The following MEIS2 variants were observed in gnomAD, a reference collection of about 807,000 sequenced individuals.
MEIS2 encodes Meis homeobox 2.
Under a neutral mutation model 58.6 loss-of-function variants are expected in MEIS2, and 9 were observed. The observed-to-expected ratio is 0.15, with a 90% CI of 0.09 to 0.27. MEIS2 has a LOEUF of 0.27. Ranked by LOEUF, MEIS2 falls within the 10% of genes least tolerant of loss-of-function variation. The pLI, the probability that MEIS2 is intolerant of heterozygous loss-of-function variation, is 1.00. For missense variants in MEIS2, 427 were observed against 635.0 expected (o/e 0.67, Z 3.52); for synonymous variants, 221 against 228.4 (o/e 0.97, Z 0.29).
chr15:36,906,665 A>G (rs1567034454), intron 9 of MEIS2, among the ~76,000 whole-genome samples: 1 of 151,714 alleles, frequency 6.6e-6, no homozygotes, highest in East Asian at 1.9e-4. Context: ...AAAAAAAAAA[A>G]AAAAAACAAG....
At chr15:37,000,153 G>C (rs1595898620) in intron 8 of MEIS2, among the ~76,000 whole-genome samples, 1 of 152,088 alleles carries the variant, frequency 6.6e-6, no homozygotes, top group African/African-American at 2.4e-5. Context: ...ATTTCTTTAG[G>C]CCTCAGTGTC....
At chr15:37,098,976 G>T in intron 1 of MEIS2, 1 of 985,004 alleles carries the variant, frequency 1.0e-6, no homozygotes, top group Non-Finnish European at 1.2e-6. Flanking sequence ...CAGGCTAGTA[G>T]TCTAGGCGGC....
chr15:36,955,664 C>A (rs573796908), intron 8 of MEIS2, among the ~76,000 whole-genome samples: 1 of 152,226 alleles, frequency 6.6e-6, no homozygotes, highest in South Asian at 2.1e-4. Context: ...ATATACACAA[C>A]CCTCTCAAGT....
intron 8 of MEIS2, among the ~76,000 whole-genome samples, chr15:37,021,488 C>T (rs769970549): frequency 6.6e-6 from 1 of 152,194 alleles, no homozygotes; most frequent in Admixed American, 6.5e-5. Flanking sequence ...TAATATCTTG[C>T]CTGTCTCATT....
chr15:36,908,854 G>A (rs559882322), intron 9 of MEIS2, among the ~76,000 whole-genome samples: 47 of 152,134 alleles, frequency 3.1e-4, no homozygotes, highest in Admixed American at 2.6e-3. Flanking sequence ...CAGGAGAATC[G>A]CTTGAACCTG....
At chr15:37,065,647 A>G (rs1274285129) in intron 7 of MEIS2, among the ~76,000 whole-genome samples, 1 of 152,266 alleles carries the variant, frequency 6.6e-6, no homozygotes, top group Non-Finnish European at 1.5e-5. Context: ...TTTAAAGCCC[A>G]TCTAGAGAAC....
chr15:36,962,239 C>T (rs1016248827), intron 8 of MEIS2, among the ~76,000 whole-genome samples: 1 of 152,150 alleles, frequency 6.6e-6, no homozygotes, highest in Non-Finnish European at 1.5e-5. Context: ...TTAAGTTTGA[C>T]CCATATCCAG....
intron 9 of MEIS2, chr15:36,897,446 G>A (rs932775774): frequency 6.6e-6 from 1 of 152,218 alleles, no homozygotes; most frequent in Non-Finnish European, 1.5e-5. Context: ...GAATGCAAAG[G>A]AGAAGCAGTT....
chr15:36,929,760 G>A (rs932128286), intron 9 of MEIS2, among the ~76,000 whole-genome samples: 75 of 152,312 alleles, frequency 4.9e-4, no homozygotes, highest in African/African-American at 1.8e-3. Context: ...GGTTTTGAAG[G>A]AGGCAGCAAA....
chr15:36,940,874 T>C (rs2058350450), intron 9 of MEIS2, among the ~76,000 whole-genome samples: 1 of 152,202 alleles, frequency 6.6e-6, no homozygotes, highest in Non-Finnish European at 1.5e-5. Flanking sequence ...TTTTAATAAG[T>C]AACCTATTAT....
At chr15:37,062,091 G>A (rs974576299) in intron 7 of MEIS2, among the ~76,000 whole-genome samples, 4 of 152,158 alleles carry the variant, frequency 2.6e-5, no homozygotes, top group East Asian at 3.9e-4. Context: ...GGAGCAACAA[G>A]TTATAATAAA....
At chr15:36,952,569 A>T (rs2058788945) in intron 8 of MEIS2, among the ~76,000 whole-genome samples, 1 of 149,884 alleles carries the variant, frequency 6.7e-6, no homozygotes, top group African/African-American at 2.5e-5. Context: ...AGTTTTGACA[A>T]AATGTGGGTT....
At chr15:37,014,568 G>T (rs1170411089) in intron 8 of MEIS2, among the ~76,000 whole-genome samples, 1 of 152,182 alleles carries the variant, frequency 6.6e-6, no homozygotes, top group African/African-American at 2.4e-5. Context: ...AATGCATTTT[G>T]ATTTGAACTT....
chr15:37,094,429 GCT>G, intron 5 of MEIS2, 96 bp downstream of exon 5: 1 of 1,160,464 alleles, frequency 8.6e-7, no homozygotes, highest in Non-Finnish European at 1.3e-6. Flanking sequence ...ATCTCCAGGT[GCT>G]CAATCCCTCA....
At chr15:36,941,900 A>C (rs530130708) in intron 9 of MEIS2, among the ~76,000 whole-genome samples, 135 of 152,268 alleles carry the variant, frequency 8.9e-4, no homozygotes, top group Middle Eastern at 3.4e-3. Context: ...TCACTATTCC[A>C]TCCACTCCTT....
intron 7 of MEIS2, among the ~76,000 whole-genome samples, chr15:37,071,532 T>G (rs1890709762): frequency 6.6e-6 from 1 of 152,222 alleles, no homozygotes; most frequent in Admixed American, 6.5e-5. Context: ...GGGTCAGTTT[T>G]CAATTATTTT....
At chr15:37,078,458 A>G (rs1891713809) in intron 7 of MEIS2, among the ~76,000 whole-genome samples, 1 of 151,642 alleles carries the variant, frequency 6.6e-6, no homozygotes, top group Non-Finnish European at 1.5e-5. Context: ...AAAAAAAGCA[A>G]TATCTAAGGA....
chr15:37,069,472 G>A (rs1343747252), intron 7 of MEIS2, among the ~76,000 whole-genome samples: 1 of 152,180 alleles, frequency 6.6e-6, no homozygotes, highest in African/African-American at 2.4e-5. Flanking sequence ...AGTCTTAACT[G>A]TACCACAAGC....
intron 7 of MEIS2, among the ~76,000 whole-genome samples, chr15:37,040,655 A>G (rs999464316): frequency 1.3e-5 from 2 of 152,206 alleles, no homozygotes; most frequent in African/African-American, 4.8e-5. Flanking sequence ...AAGGTTGCTA[A>G]TCCCTTGACC....
Sources: gnomAD v4.1 joint callset for allele counts (sites outside exome capture counted in the v4.1 genomes callset) on GRCh38, gnomAD v4.1.1 for gene constraint, MANE v1.5 for transcripts, NCBI Gene and HGNC (gene_info 2026-07-23, HGNC 2026-07-21) for gene names.